Variants in GPM6A observed in about 807,000 individuals in gnomAD.
GPM6A encodes the protein neuronal membrane glycoprotein M6-a.
A neutral mutation model predicts 32.1 loss-of-function variants in GPM6A; 7 were observed. The observed-to-expected ratio is 0.22, with a 90% CI of 0.12 to 0.41. The LOEUF is 0.41. Ranked by LOEUF, GPM6A falls within the 10% of genes least tolerant of loss-of-function variation. The pLI is 1.00. For missense variants in GPM6A, 235 were observed against 347.2 expected (o/e 0.68, Z 2.57); for synonymous variants, 130 against 123.4 (o/e 1.05, Z -0.35).
intron 2 of GPM6A, among the ~76,000 whole-genome samples, chr4:175,676,280 T>A (rs1404727756): frequency 6.6e-6 from 1 of 152,116 alleles, no homozygotes; most frequent in Non-Finnish European, 1.5e-5. Flanking sequence ...TAATACAGGA[T>A]CTGCCAGCCT....
rs1369731451 is a variant in GPM6A at position 175,645,756 on chromosome 4, A to T, written c.542-4927T>A. ...CAAACAAACAAAAATTGTAAATGAG[A>T]GTTGGAGTTAAGCAGAATGAGCAGA... On this transcript the variant is annotated intron_variant, in intron 4 of 6. Transcript: ENST00000393658. 2.0e-5 allele frequency among the ~76,000 whole-genome samples: 3 copies of T among 152,262 alleles called. No individual in the cohort carries two copies. The South Asian group carries it at 6.2e-4, about 32-fold the overall frequency.
intron 1 of GPM6A, among the ~76,000 whole-genome samples, chr4:175,875,687 A>G (rs998009557): frequency 1.3e-5 from 2 of 152,192 alleles, no homozygotes; most frequent in African/African-American, 4.8e-5. Context: ...TATGCCAACT[A>G]AACATGCAGA....
At chr4:175,929,406 C>T (rs140816823) in intron 1 of GPM6A, among the ~76,000 whole-genome samples, 70 of 152,282 alleles carry the variant, frequency 4.6e-4, no homozygotes, top group African/African-American at 1.6e-3. Flanking sequence ...AGGTCTATTG[C>T]TCTGTTGTTA....
chr4:175,904,171 A>T (rs563904950), intron 1 of GPM6A, among the ~76,000 whole-genome samples: 3 of 152,110 alleles, frequency 2.0e-5, no homozygotes, highest in East Asian at 1.9e-4. Context: ...CATTCTTAAT[A>T]AAAAAAGTTT....
chr4:175,989,078 A>T (rs1741062255), intron 1 of GPM6A, among the ~76,000 whole-genome samples: 1 of 152,180 alleles, frequency 6.6e-6, no homozygotes, highest in African/African-American at 2.4e-5. Flanking sequence ...TACTTCTTAT[A>T]CACATTTGCA....
At chr4:175,700,510 T>C (rs1744817824) in intron 2 of GPM6A, among the ~76,000 whole-genome samples, 1 of 152,176 alleles carries the variant, frequency 6.6e-6, no homozygotes, top group South Asian at 2.1e-4. Context: ...CAACCTCTCT[T>C]AGATGGAATG....
At chr4:175,871,463 C>A (rs1043158284) in intron 1 of GPM6A, among the ~76,000 whole-genome samples, 1 of 151,954 alleles carries the variant, frequency 6.6e-6, no homozygotes, top group Non-Finnish European at 1.5e-5. Context: ...GAGTAAGACT[C>A]CATCTCAAAA....
intron 3 of GPM6A, among the ~76,000 whole-genome samples, chr4:175,673,085 T>C (rs1743172078): frequency 6.6e-6 from 1 of 152,162 alleles, no homozygotes; most frequent in Non-Finnish European, 1.5e-5. Flanking sequence ...TTATTCTGTA[T>C]AAAAGTGCAA....
At chr4:175,873,360 T>C (rs997010110) in intron 1 of GPM6A, among the ~76,000 whole-genome samples, 1 of 152,160 alleles carries the variant, frequency 6.6e-6, no homozygotes. Flanking sequence ...TAAATATTAT[T>C]TAAATTATAA....
intron 1 of GPM6A, among the ~76,000 whole-genome samples, chr4:175,933,779 C>G (rs1043459024): frequency 1.3e-5 from 2 of 152,040 alleles, no homozygotes; most frequent in African/African-American, 4.8e-5. Flanking sequence ...CTCCTGACCT[C>G]GTGATCCGCC....
At chr4:175,723,868 G>A (rs776064447) in intron 1 of GPM6A, among the ~76,000 whole-genome samples, 46 of 152,010 alleles carry the variant, frequency 3.0e-4, no homozygotes, top group Non-Finnish European at 4.7e-4. Context: ...TATTAAAAAT[G>A]TATAATATAT....
chr4:175,899,700 C>T (rs141608918), intron 1 of GPM6A, among the ~76,000 whole-genome samples: 15 of 152,096 alleles, frequency 9.9e-5, no homozygotes, highest in African/African-American at 2.4e-4. Context: ...CCCTATCTCT[C>T]GCCATATACA....
At chr4:175,867,228 T>C (rs1282320315) in intron 1 of GPM6A, among the ~76,000 whole-genome samples, 2 of 152,242 alleles carry the variant, frequency 1.3e-5, no homozygotes, top group South Asian at 2.1e-4. Context: ...TGACGTTGTC[T>C]TTCACAGGGC....
At chr4:175,903,174 A>C (rs1488765453) in intron 1 of GPM6A, among the ~76,000 whole-genome samples, 2 of 152,124 alleles carry the variant, frequency 1.3e-5, no homozygotes, top group Non-Finnish European at 2.9e-5. Context: ...GAGTGACAAA[A>C]GTTTTCGAAT....
At chr4:175,816,717 A>T (rs538517019), upstream of GPM6A, among the ~76,000 whole-genome samples, 1 of 152,350 alleles carries the variant, frequency 6.6e-6, no homozygotes, top group Admixed American at 6.5e-5. Context: ...CAAATGTTTC[A>T]GACACAGAAT....
chr4:175,935,327 C>T (rs1047627733), intron 1 of GPM6A, among the ~76,000 whole-genome samples: 2 of 152,194 alleles, frequency 1.3e-5, no homozygotes, highest in Non-Finnish European at 2.9e-5. Flanking sequence ...CTGTCAGGAA[C>T]TTCTCACTCA....
At chr4:175,881,511 T>C (rs1737274284) in intron 1 of GPM6A, among the ~76,000 whole-genome samples, 1 of 152,194 alleles carries the variant, frequency 6.6e-6, no homozygotes, top group South Asian at 2.1e-4. Context: ...CCCAAAGGAA[T>C]ATAAATCATG....
At chr4:175,637,040 A>G (rs1414445813) in intron 6 of GPM6A, among the ~76,000 whole-genome samples, 1 of 74,322 alleles carries the variant, frequency 1.3e-5, no homozygotes, top group Non-Finnish European at 2.4e-5. Flanking sequence ...AAAATATATA[A>G]TATATTTATA....
intron 1 of GPM6A, among the ~76,000 whole-genome samples, chr4:175,818,454 T>C (rs28660641): frequency 6.6e-6 from 1 of 152,106 alleles, no homozygotes. Flanking sequence ...AATATATATA[T>C]AGAGAGAGAG....
Sources: allele counts gnomAD v4.1 joint callset (sites outside exome capture counted in the v4.1 genomes callset), GRCh38; gene constraint gnomAD v4.1.1; transcripts MANE v1.5; gene names NCBI Gene and HGNC (gene_info 2026-07-23, HGNC 2026-07-21).